Variants in EZR observed in about 807,000 individuals in gnomAD.
EZR encodes cytovillin 2.
Under a neutral mutation model 74.8 loss-of-function variants are expected in EZR, and 40 were observed. That is an observed-to-expected ratio of 0.53 (90% CI 0.42 to 0.70). EZR has a LOEUF of 0.70. EZR is among the 30% of genes least tolerant of loss of function. The probability of loss-of-function intolerance (pLI) is 0.00; values close to 1 mark genes in which losing one functional copy is unlikely to be tolerated. For synonymous variants in EZR, 341 were observed against 283.3 expected (o/e 1.20, Z -2.05); for missense variants, 678 against 755.8 (o/e 0.90, Z 1.21).
chr6:158,818,046 C>T (rs908637009), intron 2 of EZR, 36 bp downstream of exon 2: 1 of 1,607,338 alleles, frequency 6.2e-7, no homozygotes, highest in South Asian at 1.1e-5. Context: ...AATGAAGCCT[C>T]TCCCGTCCGC....
intron 10 of EZR, among the ~76,000 whole-genome samples, chr6:158,770,422 G>A (rs557081395): frequency 8.5e-5 from 13 of 152,334 alleles, no homozygotes; most frequent in Non-Finnish European, 1.6e-4. Flanking sequence ...GTCGAGGGCA[G>A]TGCAGCATGG....
At chr6:158,784,592 T>G (rs1254713090) in intron 6 of EZR, 52 bp downstream of exon 6, 12 of 1,496,980 alleles carry the variant, frequency 8.0e-6, no homozygotes, top group Non-Finnish European at 1.1e-5. Flanking sequence ...GGAAAAGACA[T>G]GCTGGAGCGC....
chr6:158,814,205 T>C (rs577074422), intron 2 of EZR, among the ~76,000 whole-genome samples: 2 of 151,674 alleles, frequency 1.3e-5, no homozygotes, highest in African/African-American at 4.9e-5. Context: ...ATGAATAGAG[T>C]CCCTAAGCAG....
Position 158,767,726 on chromosome 6 carries a change from G to A in EZR, c.1345-214C>T, listed in dbSNP as rs769077261. ...AAGAGGAACTGTGATGCCGGAACCT[G>A]GGCAGTTTTAAAACTACCATTTCTT... On this transcript the variant is annotated intron_variant, in intron 12 of 13. Transcript: ENST00000367075. Among the ~76,000 whole-genome samples the A allele has an allele frequency of 5.9e-5, 9 of 152,122 alleles. No homozygotes were observed. The South Asian group carries it at 1.5e-3, about 25-fold the overall frequency.
At chr6:158,812,155 C>T (rs1328848361) in intron 2 of EZR, among the ~76,000 whole-genome samples, 1 of 152,130 alleles carries the variant, frequency 6.6e-6, no homozygotes, top group Non-Finnish European at 1.5e-5. Flanking sequence ...CTATGAAATT[C>T]TTGTTTTTAT....
chr6:158,805,388 G>GT (rs1777316374), intron 2 of EZR, among the ~76,000 whole-genome samples: 1 of 147,372 alleles, frequency 6.8e-6, no homozygotes, highest in African/African-American at 2.5e-5. Context: ...TTGCTAACCT[G>GT]TTTTTTAGAG....
In EZR at chr6:158,807,717, C is replaced by T. The variant is rs891513856; in HGVS notation, c.12+10365G>A. Among the ~76,000 whole-genome samples, 6 of 152,142 alleles carry T rather than the reference C, an allele frequency of 3.9e-5. No individual in the cohort carries two copies. In the East Asian group the frequency reaches 9.6e-4, roughly 24 times the overall value. Reference sequence around the variant, plus strand: ...TGAAAATTTACAGTAGCACGCTCACCACCCCCTGACGATGTATTAGACATG... The same window carrying T: ...TGAAAATTTACAGTAGCACGCTCACTACCCCCTGACGATGTATTAGACATG... On this transcript the variant is annotated intron_variant, in intron 2 of 13. Coordinates refer to ENST00000367075, the MANE Select transcript of EZR (RefSeq NM_001111077.2).
intron 2 of EZR, 99 bp from the exon 3 acceptor site, chr6:158,789,470 G>A (rs781637475): frequency 2.8e-5 from 29 of 1,049,992 alleles, no homozygotes; most frequent in African/African-American, 2.3e-4. Flanking sequence ...GTGTGGCGAC[G>A]GCATATGCCT....
At chr6:158,771,957 C>T (rs1374404112) in intron 8 of EZR, among the ~76,000 whole-genome samples, 1 of 152,174 alleles carries the variant, frequency 6.6e-6, no homozygotes, top group Non-Finnish European at 1.5e-5. Context: ...CTGACTGGGT[C>T]ACCACCCCGA....
At chr6:158,787,344 C>CT (rs1196688424) in intron 3 of EZR, 141 bp from the exon 4 acceptor site, 12 of 569,398 alleles carry the variant, frequency 2.1e-5, no homozygotes, top group Non-Finnish European at 2.8e-5. Context: ...TGGGCAACAT[C>CT]TTTTTTTGCA....
Position 158,766,548 on chromosome 6 carries a change from G to T in EZR, c.*366C>A. 1 of 209,514 alleles carries T rather than the reference G, an allele frequency of 4.8e-6. No individual in the cohort carries two copies. The allele number at this position is 209,514 out of a possible 1,614,324, so 13.0% of individuals were successfully genotyped here. ...TCGAATACAGAACAAGTATGGCACA[G>T]ATGGAAGTCCTGCCACGTTTCCTTT... On this transcript the variant is annotated 3_prime_UTR_variant, in exon 14 of 14. Transcript: ENST00000367075.
intron 12 of EZR, among the ~76,000 whole-genome samples, chr6:158,768,696 G>A (rs60893139): frequency 0.016 from 2,419 of 152,310 alleles, 54 homozygotes; most frequent in African/African-American, 0.056. Flanking sequence ...CACAATGAGA[G>A]CTACAGCTGA....
intron 8 of EZR, among the ~76,000 whole-genome samples, chr6:158,774,359 C>T (rs1791205540): frequency 1.3e-5 from 2 of 152,094 alleles, no homozygotes; most frequent in South Asian, 2.1e-4. Context: ...TCTTCTGATC[C>T]GGCTTAGTTT....
intron 6 of EZR, among the ~76,000 whole-genome samples, chr6:158,783,888 C>T (rs567714441): frequency 1.1e-4 from 16 of 152,306 alleles, no homozygotes; most frequent in Admixed American, 2.0e-4. Flanking sequence ...CCTGGAGCCT[C>T]ACCACCAAAC....
chr6:158,777,211 G>A (rs1405401163), intron 7 of EZR, among the ~76,000 whole-genome samples: 1 of 152,228 alleles, frequency 6.6e-6, no homozygotes, highest in Non-Finnish European at 1.5e-5. Flanking sequence ...ATACTCAACA[G>A]AGCTTGCCAA....
intron 9 of EZR, 149 bp downstream of exon 9, chr6:158,771,095 G>A: frequency 7.5e-7 from 1 of 1,341,278 alleles, no homozygotes; most frequent in Non-Finnish European, 1.0e-6. Flanking sequence ...ACCGCCCAGA[G>A]ACAAAGGCCT....
intron 8 of EZR, among the ~76,000 whole-genome samples, chr6:158,775,681 T>C (rs1791254677): frequency 6.6e-6 from 1 of 152,256 alleles, no homozygotes; most frequent in Admixed American, 6.5e-5. Flanking sequence ...TTTAGAGAAC[T>C]AGATTTCTGA....
intron 2 of EZR, among the ~76,000 whole-genome samples, chr6:158,805,628 T>TA (rs1041189294): frequency 2.6e-5 from 4 of 152,156 alleles, no homozygotes; most frequent in African/African-American, 7.2e-5. Flanking sequence ...TCAGTAATCT[T>TA]ACAAAATTTG....
At chr6:158,807,034 C>A (rs754279528) in intron 2 of EZR, among the ~76,000 whole-genome samples, 6 of 152,058 alleles carry the variant, frequency 3.9e-5, no homozygotes, top group Non-Finnish European at 8.8e-5. Context: ...CATAACAGGC[C>A]AGGCGCAGTG....
Sources: gnomAD v4.1 joint callset for allele counts (sites outside exome capture counted in the v4.1 genomes callset) on GRCh38, gnomAD v4.1.1 for gene constraint, MANE v1.5 for transcripts, NCBI Gene and HGNC (gene_info 2026-07-23, HGNC 2026-07-21) for gene names.